Variants in FAM217A observed in about 807,000 individuals in gnomAD.
FAM217A encodes protein FAM217A.
A neutral mutation model predicts 18.5 loss-of-function variants in FAM217A; 13 were observed. The ratio of observed to expected loss-of-function variants is 0.70; its 90% CI spans 0.46 to 1.12. FAM217A has a LOEUF of 1.12. Among genes scored for constraint, FAM217A ranks in the 50% most tolerant of loss-of-function variants. The pLI is 0.00. For synonymous variants in FAM217A, 161 were observed against 202.8 expected, an observed-to-expected ratio of 0.79 and a Z score of 1.75; for missense variants, 560 against 575.4, an observed-to-expected ratio of 0.97 and a Z score of 0.27.
At chr6:4,076,062 C>T (rs560919107) in intron 2 of FAM217A, among the ~76,000 whole-genome samples, 2 of 150,364 alleles carry the variant, frequency 1.3e-5, no homozygotes, top group South Asian at 4.2e-4. Flanking sequence ...CGCAGTGGCT[C>T]AAGTGGCAGT....
At chr6:4,077,667 T>A (rs1769923747) in intron 1 of FAM217A, among the ~76,000 whole-genome samples, 1 of 141,832 alleles carries the variant, frequency 7.1e-6, no homozygotes, top group South Asian at 2.2e-4. Context: ...AACTGGCAGA[T>A]CTCAGAACAG....
At position 4,069,262 on chromosome 6, in the gene FAM217A, G is replaced by C. The variant is rs760023999; in HGVS notation, c.961C>G (p.Pro321Ala). 6.2e-7 allele frequency: 1 copy of C among 1,614,094 alleles called. No homozygotes were observed. Among genetic ancestry groups the C allele is most frequent in the Non-Finnish European group, 8.5e-7 (1 of 1,180,052 alleles). ...TFCTPAVTER[P>A]SSSKATPKVR... is the part of the protein sequence containing the mutation. ...TTTGGTGTAGCTTTGGAGGAAGAGG[G>C]TCGTTCAGTAACTGCTGGAGTACAG... is the stretch of plus-strand genomic sequence containing the variant. The change falls in exon 7 of 7, where the codon CCC becomes GCC. Residue 321 changes from proline (P) to alanine (A), a missense_variant. By Grantham distance (27) the Pro-to-Ala change is conservative. Coordinates refer to ENST00000274673, the MANE Select transcript of FAM217A (RefSeq NM_173563.3).
chr6:4,077,271 C>CACTA, intron 2 of FAM217A, 84 bp downstream of exon 2: 1 of 1,358,288 alleles, frequency 7.4e-7, no homozygotes, highest in Admixed American at 1.7e-5. Flanking sequence ...GCAAGGGCAT[C>CACTA]ACTACAAGAA....
rs532805814 is a variant in FAM217A, at chr6:4,071,893, T to C, written c.302+1382A>G. 9.2e-5 allele frequency among the ~76,000 whole-genome samples: 14 copies of C among 152,212 alleles called. No homozygotes were observed. The South Asian group carries it at 2.3e-3, about 25-fold the overall frequency. On this transcript the variant is annotated intron_variant, in intron 6 of 6. Coordinates refer to ENST00000274673, the MANE Select transcript of FAM217A (RefSeq NM_173563.3). ...CTAAATAAACTACACAAAAGAGCCA[T>C]GGAACTCAGGATCCATGAGCTAAGA...
rs1373391187 is a variant in FAM217A, at chr6:4,078,689, G to C, written c.-35+163C>G. Reference sequence around the variant, plus strand: ...CGAGTTGGGGGACAGGAGCTTTAGGGGCCAGAGTGCTTGAAGGCGCGTGTC... The same window carrying C: ...CGAGTTGGGGGACAGGAGCTTTAGGCGCCAGAGTGCTTGAAGGCGCGTGTC... On this transcript the variant is annotated intron_variant, in intron 1 of 6. Coordinates refer to ENST00000274673, the MANE Select transcript of FAM217A (RefSeq NM_173563.3). Among the ~76,000 whole-genome samples, 4 of 152,336 alleles carry C rather than the reference G, an allele frequency of 2.6e-5. No individual in the cohort carries two copies. The East Asian group carries it at 7.7e-4, about 29-fold the overall frequency.
intron 2 of FAM217A, among the ~76,000 whole-genome samples, chr6:4,076,157 C>T (rs2113872066): frequency 6.7e-6 from 1 of 150,312 alleles, no homozygotes; most frequent in African/African-American, 2.4e-5. Context: ...GTCGAAACCC[C>T]ATTTCTACTA....
At chr6:4,079,377 T>TCGG, upstream of FAM217A, 1 of 281,776 alleles carries the variant, frequency 3.5e-6, no homozygotes, top group South Asian at 2.9e-5. Flanking sequence ...CGCAGCCCAC[T>TCGG]CGGCCATCCT....
chr6:4,073,502 A>T lies in FAM217A; in HGVS notation c.165T>A (p.Tyr55Ter), dbSNP rs1401888244. The change falls in exon 5 of 7, where the codon TAT becomes TAA. Residue 55 changes from tyrosine (Y) to a stop codon, truncating the protein, a stop_gained. Coordinates refer to ENST00000274673, the MANE Select transcript of FAM217A (RefSeq NM_173563.3). LOFTEE classifies it high-confidence loss of function. ...GAAGGKINKN[Y>*]LEIPVEQLML... Reference sequence around the variant, plus strand: ...TCAGTTGCTCCACTGGAATTTCCAAATAGTTCTATAAGGCAGCAGAAGACT... The same window carrying T: ...TCAGTTGCTCCACTGGAATTTCCAATTAGTTCTATAAGGCAGCAGAAGACT... 4 of 1,613,036 alleles carry T rather than the reference A, an allele frequency of 2.5e-6. No individual in the cohort carries two copies. Among genetic ancestry groups the T allele is most frequent in the Non-Finnish European group, 2.5e-6 (3 of 1,179,572 alleles).
intron 1 of FAM217A, chr6:4,084,841 C>T: frequency 1.4e-6 from 1 of 699,612 alleles, no homozygotes; most frequent in Non-Finnish European, 2.6e-6. Context: ...TTGCATTTAC[C>T]TAAAAGTCAT....
At position 4,068,581 on chromosome 6, in the gene FAM217A, GTT is replaced by G; in HGVS notation, c.*113_*114del. The G allele has an allele frequency of 8.4e-7, 1 of 1,187,570 alleles. No homozygotes were observed. The highest frequency in any genetic ancestry group is 1.2e-6 in the Non-Finnish European group (1 of 853,354). 73.6% of individuals were successfully genotyped at this position (1,187,570 alleles called of 1,614,324 possible). On this transcript the variant is annotated 3_prime_UTR_variant, in exon 7 of 7. Coordinates refer to ENST00000274673, the MANE Select transcript of FAM217A (RefSeq NM_173563.3). ...CTACTCCATATCACATCAAGCAACT[GTT>G]TGGTGATTTTGGGGGACTGTTAATA...
chr6:4,070,380 A>G (rs1283675908), intron 6 of FAM217A, among the ~76,000 whole-genome samples: 5 of 152,222 alleles, frequency 3.3e-5, no homozygotes, highest in Non-Finnish European at 7.3e-5. Flanking sequence ...AAAGCCTTCT[A>G]TGTTAGCCAC....
At chr6:4,083,426 A>G (rs962327653), upstream of FAM217A, among the ~76,000 whole-genome samples, 6 of 152,192 alleles carry the variant, frequency 3.9e-5, no homozygotes, top group Non-Finnish European at 2.9e-5. Flanking sequence ...TACCTCCTTC[A>G]GTATCTTTCA....
At chr6:4,084,154 A>G (rs1485027095) in intron 2 of FAM217A, among the ~76,000 whole-genome samples, 2 of 152,184 alleles carry the variant, frequency 1.3e-5, no homozygotes, top group Admixed American at 6.5e-5. Flanking sequence ...ATTCCTTTTT[A>G]AGAAATATAT....
At chr6:4,085,644 G>A (rs376364441) in intron 1 of FAM217A, among the ~76,000 whole-genome samples, 3 of 152,018 alleles carry the variant, frequency 2.0e-5, no homozygotes, top group Admixed American at 1.3e-4. Context: ...TATGTCTTCC[G>A]GCTGCCAGAA....
chr6:4,068,786 C>A lies in FAM217A; in HGVS notation c.1437G>T (p.Leu479Phe). 6.2e-7 allele frequency: 1 copy of A among 1,614,132 alleles called. No homozygotes were observed. The highest frequency in any genetic ancestry group is 1.1e-5 in the South Asian group (1 of 91,070). The change falls in exon 7 of 7, where the codon TTG becomes TTT. Residue 479 changes from leucine to phenylalanine, a missense_variant. Leu to Phe is a conservative substitution (Grantham distance 22). Transcript: ENST00000274673. ...GCTTCTGAATAGAGAATGGTCTATTCAACACTATATTTTGTCGGTAAAGTT... is the reference window on the plus strand; with the variant it reads ...GCTTCTGAATAGAGAATGGTCTATTAAACACTATATTTTGTCGGTAAAGTT... ...KKKLYRQNIV[L>F]NRPFSIQKLN...
At chr6:4,072,772 A>C (rs1048794022) in intron 6 of FAM217A, among the ~76,000 whole-genome samples, 2 of 152,158 alleles carry the variant, frequency 1.3e-5, no homozygotes, top group Admixed American at 6.5e-5. Flanking sequence ...CAAAAAAAAA[A>C]AAACCTCAGG....
In FAM217A at chr6:4,074,571, T is replaced by C. The variant is rs1403673897; in HGVS notation, c.145+6A>G. ...AGTATAAGTATACACATCTAGGATT[T>C]CTTACCACCTGCTGCTCCATCCCTT... is the stretch of plus-strand genomic sequence containing the variant. On this transcript the variant is annotated splice_donor_region_variant and intron_variant, in intron 3 of 6. Coordinates refer to ENST00000274673, the MANE Select transcript of FAM217A (RefSeq NM_173563.3). 1 of 1,611,252 alleles carries C rather than the reference T, an allele frequency of 6.2e-7. No homozygotes were observed. The highest frequency in any genetic ancestry group is 1.3e-5 in the African/African-American group (1 of 74,944).
intron 6 of FAM217A, 93 bp from the exon 7 acceptor site, chr6:4,070,013 G>T: frequency 2.1e-6 from 2 of 973,072 alleles, no homozygotes; most frequent in Non-Finnish European, 2.9e-6. Context: ...TCAAAGATTG[G>T]TTAATGTTTA....
rs1561928554 is a variant in FAM217A at position 4,079,108 on chromosome 6, C to T, written c.-291G>A. 1.1e-5 allele frequency: 4 copies of T among 349,570 alleles called. No individual in the cohort carries two copies. Among genetic ancestry groups the T allele is most frequent in the South Asian group, 1.5e-4 (1 of 6,776 alleles). The allele number at this position is 349,570 out of a possible 1,614,324, so 21.7% of individuals were successfully genotyped here. On this transcript the variant is annotated 5_prime_UTR_variant, in exon 1 of 7. Transcript: ENST00000274673. ...GGGGCCCAGAGAGACCTTCCGGGGC[C>T]GGGGCTGCGGCTCCGCGGGCTTCCC...
Sources: allele counts gnomAD v4.1 joint callset (sites outside exome capture counted in the v4.1 genomes callset), GRCh38; gene constraint gnomAD v4.1.1; transcripts MANE v1.5; gene names NCBI Gene and HGNC (gene_info 2026-07-23, HGNC 2026-07-21).